PLCH1: variants seen among roughly 807,000 people sequenced by gnomAD.
PLCH1 encodes phospholipase C eta 1, also known as 1-phosphatidylinositol 4,5-bisphosphate phosphodiesterase eta-1.
In PLCH1, 60 loss-of-function variants were observed where a neutral mutation model predicts 126.7. That is an observed-to-expected ratio of 0.47 (90% CI 0.38 to 0.59). The LOEUF is 0.59. Among genes scored for constraint, PLCH1 ranks in the 20% least tolerant of loss-of-function variants. The pLI, the probability that PLCH1 is intolerant of heterozygous loss-of-function variation, is 0.00. For synonymous variants in PLCH1, 719 were observed against 734.9 expected, an observed-to-expected ratio of 0.98 and a Z score of 0.35; for missense variants, 1,723 against 2,040.0, an observed-to-expected ratio of 0.84 and a Z score of 2.99.
At chr3:155,703,298 T>C (rs749303302) in intron 2 of PLCH1, among the ~76,000 whole-genome samples, 7 of 152,206 alleles carry the variant, frequency 4.6e-5, no homozygotes, top group Non-Finnish European at 1.0e-4. Flanking sequence ...GCTTAGATTA[T>C]AGGATTCTGT....
At chr3:155,741,306 C>T (rs1459201072) in intron 1 of PLCH1, among the ~76,000 whole-genome samples, 7 of 152,108 alleles carry the variant, frequency 4.6e-5, no homozygotes, top group African/African-American at 7.2e-5. Context: ...CTTCCCAGGC[C>T]GAGGAGGCAT....
chr3:155,508,717 A>G (rs1198440112), intron 12 of PLCH1, among the ~76,000 whole-genome samples: 1 of 93,764 alleles, frequency 1.1e-5, no homozygotes, highest in Non-Finnish European at 2.0e-5. Context: ...CTTGATCATG[A>G]TGGATAAGCT....
intron 21 of PLCH1, 138 bp from the exon 22 acceptor site, chr3:155,485,848 C>G (rs574714062): frequency 1.6e-6 from 1 of 615,250 alleles, no homozygotes; most frequent in South Asian, 2.0e-5. Flanking sequence ...ACCAAGAAAG[C>G]AGCAGCTCAC....
intron 14 of PLCH1, among the ~76,000 whole-genome samples, chr3:155,499,523 G>A (rs1717575066): frequency 3.3e-5 from 5 of 152,182 alleles, no homozygotes; most frequent in African/African-American, 1.2e-4. Context: ...TCCTAGAGGT[G>A]CATTAGGTTA....
chr3:155,578,758 G>T (rs559065784), intron 6 of PLCH1, among the ~76,000 whole-genome samples: 1 of 152,258 alleles, frequency 6.6e-6, no homozygotes, highest in African/African-American at 2.4e-5. Context: ...TTAGTACACG[G>T]TATCCTAAAA....
chr3:155,692,821 A>C (rs1419149535), intron 2 of PLCH1, among the ~76,000 whole-genome samples: 1 of 151,450 alleles, frequency 6.6e-6, no homozygotes, highest in Non-Finnish European at 1.5e-5. Context: ...CAGTGGCGCC[A>C]TCTCCGCTCA....
chr3:155,568,374 T>C (rs755250696), intron 6 of PLCH1, 50 bp from the exon 7 acceptor site: 8 of 770,858 alleles, frequency 1.0e-5, no homozygotes, highest in South Asian at 9.4e-5. Context: ...ATAAACTATG[T>C]TCCTCCACAG....
chr3:155,553,976 T>C lies in PLCH1; in HGVS notation c.1190+100A>G. ...AACTAGTCTAGCAAAGAGGGCAGTGTAGAGTCCAAGGAAGAGGATGTGGTT... is the reference window on the plus strand; with the variant it reads ...AACTAGTCTAGCAAAGAGGGCAGTGCAGAGTCCAAGGAAGAGGATGTGGTT... On this transcript the variant is annotated intron_variant, in intron 9 of 22. Transcript: ENST00000460012. The C allele has an allele frequency of 2.7e-6, 3 of 1,103,924 alleles. No homozygotes were observed. The Admixed American group carries it at 6.5e-5, about 24-fold the overall frequency. 68.4% of individuals were successfully genotyped at this position (1,103,924 alleles called of 1,614,324 possible).
At position 155,480,819 on chromosome 3, in the gene PLCH1, C is replaced by T; in HGVS notation, c.*149G>A. ...CCAAATCTATATACAAACGCATTAA[C>T]AGGGAGAACACATGAAGTCAAAGGG... On this transcript the variant is annotated 3_prime_UTR_variant, in exon 23 of 23. Coordinates refer to ENST00000460012, the MANE Select transcript of PLCH1 (RefSeq NM_014996.4). 1 of 663,230 alleles carries T rather than the reference C, an allele frequency of 1.5e-6. No individual in the cohort carries two copies. The highest frequency in any genetic ancestry group is 2.5e-5 in the East Asian group (1 of 39,350). The allele number at this position is 663,230 out of a possible 1,614,324, so 41.1% of individuals were successfully genotyped here.
chr3:155,552,672 T>A (rs890729998), intron 9 of PLCH1, among the ~76,000 whole-genome samples: 4 of 152,158 alleles, frequency 2.6e-5, no homozygotes, highest in Non-Finnish European at 5.9e-5. Flanking sequence ...AAGATGATAG[T>A]GGAAGACAAG....
At chr3:155,563,294 C>T (rs892096534) in intron 8 of PLCH1, among the ~76,000 whole-genome samples, 1 of 152,190 alleles carries the variant, frequency 6.6e-6, no homozygotes, top group Non-Finnish European at 1.5e-5. Flanking sequence ...TAAGTTCAGA[C>T]ATTGTTATCC....
chr3:155,740,529 T>C (rs1749543901), intron 1 of PLCH1, among the ~76,000 whole-genome samples: 1 of 152,090 alleles, frequency 6.6e-6, no homozygotes, highest in Non-Finnish European at 1.5e-5. Context: ...TATAGCAGTT[T>C]CATATAGTTG....
chr3:155,454,059 G>A (rs77445620), intron 21 of PLCH1, among the ~76,000 whole-genome samples: 6,742 of 152,158 alleles, frequency 0.044, 366 homozygotes, highest in African/African-American at 0.13. Context: ...AACCATAATA[G>A]TGATATAGTA....
intron 22 of PLCH1, among the ~76,000 whole-genome samples, chr3:155,483,565 CAATT>C (rs1437651930): frequency 2.0e-5 from 3 of 152,006 alleles, no homozygotes; most frequent in Non-Finnish European, 2.9e-5. Context: ...TTAATTTAGT[CAATT>C]AATTTCTAAA....
intron 2 of PLCH1, among the ~76,000 whole-genome samples, chr3:155,635,860 G>A (rs1738660243): frequency 6.6e-6 from 1 of 152,212 alleles, no homozygotes. Context: ...CTGCAAATAA[G>A]AGAACGACAA....
intron 21 of PLCH1, among the ~76,000 whole-genome samples, chr3:155,473,393 G>A (rs1472054014): frequency 6.6e-6 from 1 of 152,168 alleles, no homozygotes; most frequent in Non-Finnish European, 1.5e-5. Context: ...TCTTCAAGGA[G>A]AACTACAAAC....
At chr3:155,538,044 G>A (rs1259008930) in intron 10 of PLCH1, among the ~76,000 whole-genome samples, 1 of 152,054 alleles carries the variant, frequency 6.6e-6, no homozygotes, top group East Asian at 1.9e-4. Context: ...ATTATAGCAA[G>A]TACTCTCTAG....
chr3:155,733,393 C>T (rs988687764), intron 1 of PLCH1, among the ~76,000 whole-genome samples: 44 of 152,188 alleles, frequency 2.9e-4, no homozygotes, highest in African/African-American at 9.9e-4. Flanking sequence ...TGGAACAGAA[C>T]AGAGAGCCCA....
chr3:155,674,046 T>C (rs1289562718), intron 2 of PLCH1, among the ~76,000 whole-genome samples: 3 of 152,274 alleles, frequency 2.0e-5, no homozygotes, highest in African/African-American at 7.2e-5. Context: ...AGCAAGAAAG[T>C]AGTATTATCT....
Sources: gnomAD v4.1 joint callset for allele counts (sites outside exome capture counted in the v4.1 genomes callset) on GRCh38, gnomAD v4.1.1 for gene constraint, MANE v1.5 for transcripts, NCBI Gene and HGNC (gene_info 2026-07-23, HGNC 2026-07-21) for gene names.